Variants in WDPCP observed in about 807,000 individuals in gnomAD.
WDPCP encodes WD repeat containing planar cell polarity effector.
In WDPCP, 71 loss-of-function variants were observed where a neutral mutation model predicts 93.1. The ratio of observed to expected loss-of-function variants is 0.76; its 90% CI spans 0.63 to 0.93. The LOEUF is 0.93. Ranked by LOEUF, WDPCP falls within the 40% of genes least tolerant of loss-of-function variation. The pLI, the probability that WDPCP is intolerant of heterozygous loss-of-function variation, is 0.00. For synonymous variants in WDPCP, 315 were observed against 315.0 expected (o/e 1.00, Z 0.00); for missense variants, 844 against 887.4 (o/e 0.95, Z 0.62).
intron 3 of WDPCP, among the ~76,000 whole-genome samples, chr2:63,648,093 G>A (rs72806073): frequency 3.1e-3 from 471 of 152,290 alleles, no homozygotes; most frequent in Non-Finnish European, 5.6e-3. Flanking sequence ...AAGACAGCCC[G>A]TCTGCCTATA....
Position 63,127,612 on chromosome 2 carries a change from T to A in WDPCP, c.2191-5556A>T, listed in dbSNP as rs114192440. On this transcript the variant is annotated intron_variant, in intron 17 of 17. Coordinates refer to ENST00000272321, the MANE Select transcript of WDPCP (RefSeq NM_015910.7). The stretch of plus-strand genomic sequence containing the variant: ...GAGGTTATACACTTATACTTCAAGA[T>A]GCTCTATTAATGTAATTGTCAACAT... Among the ~76,000 whole-genome samples the A allele has an allele frequency of 5.3e-3, 794 of 149,222 alleles. 2 individuals are homozygous for A. Among genetic ancestry groups the A allele is most frequent in the Non-Finnish European group, 9.2e-3 (624 of 67,588 alleles).
At chr2:63,606,767 A>G (rs907806476) in intron 3 of WDPCP, 23 of 838,328 alleles carry the variant, frequency 2.7e-5, no homozygotes, top group Non-Finnish European at 3.4e-5. Context: ...CAGACTTTAA[A>G]ACGATATACC....
chr2:63,462,758 A>G (rs1413142995), intron 6 of WDPCP, among the ~76,000 whole-genome samples: 1 of 152,132 alleles, frequency 6.6e-6, no homozygotes, highest in Non-Finnish European at 1.5e-5. Flanking sequence ...AGTTGGATAA[A>G]GAAGAGGATA....
intron 1 of WDPCP, among the ~76,000 whole-genome samples, chr2:63,823,438 G>A (rs1191284160): frequency 6.6e-6 from 1 of 152,116 alleles, no homozygotes; most frequent in African/African-American, 2.4e-5. Context: ...GGGAGGCAGG[G>A]GTTGTAGTCA....
intron 13 of WDPCP, among the ~76,000 whole-genome samples, chr2:63,270,226 A>T (rs1224456250): frequency 6.6e-6 from 1 of 152,226 alleles, no homozygotes; most frequent in Non-Finnish European, 1.5e-5. Flanking sequence ...ATATATGGAA[A>T]GAATTGATAT....
chr2:63,285,699 A>C (rs1246778838), intron 13 of WDPCP, among the ~76,000 whole-genome samples: 3 of 152,212 alleles, frequency 2.0e-5, no homozygotes, highest in African/African-American at 7.2e-5. Flanking sequence ...ATGGCTTTAA[A>C]ATAGTTGATG....
rs1427622731 is a variant in WDPCP at position 63,575,518 on chromosome 2, A to ATATACAGTGTATGCGCT, written c.75+12678_75+12679insAGCGCATACACTGTATA. 7.7e-4 allele frequency among the ~76,000 whole-genome samples: 57 copies of ATATACAGTGTATGCGCT among 74,326 alleles called. 17 individuals carry two copies. The highest frequency in any genetic ancestry group is 2.8e-3 in the African/African-American group (47 of 16,876). 48.8% of individuals were successfully genotyped at this position (74,326 alleles called of 152,430 possible). A position where few individuals can be genotyped will look rare whatever the true frequency, so the allele number is the denominator to read the frequency against. ...TATACAGTATATACACTGTATATAT[A>ATATACAGTGTATGCGCT]GTATATACAGTATATACACTGTATA... On this transcript the variant is annotated intron_variant, in intron 1 of 17. Coordinates refer to ENST00000272321, the MANE Select transcript of WDPCP (RefSeq NM_015910.7).
chr2:63,313,886 A>ATGTGTGTGTATATATATATATATATATTT, intron 12 of WDPCP, among the ~76,000 whole-genome samples: 2 of 74,502 alleles, frequency 2.7e-5, no homozygotes, highest in African/African-American at 5.2e-5. Context: ...ATATATATAT[A>ATGTGTGTGTATATATATATATATATATTT]TTTTTTTTTT....
intron 10 of WDPCP, among the ~76,000 whole-genome samples, chr2:63,387,154 T>C (rs1371246693): frequency 6.6e-6 from 1 of 152,052 alleles, no homozygotes; most frequent in Non-Finnish European, 1.5e-5. Flanking sequence ...ATCATCCTGA[T>C]ACAAAATCTG....
chr2:63,803,065 C>A (rs748443282), intron 2 of WDPCP, among the ~76,000 whole-genome samples: 1 of 152,188 alleles, frequency 6.6e-6, no homozygotes, highest in East Asian at 1.9e-4. Flanking sequence ...TGGAGTAACA[C>A]AGACACCTCA....
chr2:63,524,534 A>G lies in WDPCP; in HGVS notation c.76-31594T>C, dbSNP rs1703177185. The stretch of plus-strand genomic sequence containing the variant: ...TCCCTATTGAATAAATGGTGTTGGG[A>G]TAACTGGCTAGCCATATGCAGAAGA... On this transcript the variant is annotated intron_variant, in intron 1 of 17. Transcript: ENST00000272321. 3.3e-5 allele frequency among the ~76,000 whole-genome samples: 5 copies of G among 152,366 alleles called. No homozygotes were observed. In the South Asian group the frequency reaches 1.0e-3, roughly 32 times the overall value.
At chr2:63,152,775 A>G in intron 17 of WDPCP, 139 bp downstream of exon 17, 1 of 730,434 alleles carries the variant, frequency 1.4e-6, no homozygotes, top group Non-Finnish European at 2.3e-6. Context: ...TGTAGTTAAT[A>G]TAGACCAGTT....
chr2:63,410,183 T>A (rs1373054001), intron 9 of WDPCP, among the ~76,000 whole-genome samples: 7 of 152,188 alleles, frequency 4.6e-5, no homozygotes, highest in African/African-American at 1.4e-4. Context: ...GCAGAAACCC[T>A]ACAAGCTAGA....
At chr2:63,434,260 A>G (rs1432398703) in intron 8 of WDPCP, among the ~76,000 whole-genome samples, 1 of 152,222 alleles carries the variant, frequency 6.6e-6, no homozygotes, top group Admixed American at 6.5e-5. Flanking sequence ...CATATGATTT[A>G]GGACCAGCTG....
intron 12 of WDPCP, among the ~76,000 whole-genome samples, chr2:63,325,896 C>A (rs562152876): frequency 1.5e-4 from 23 of 152,162 alleles, no homozygotes; most frequent in African/African-American, 4.8e-4. Flanking sequence ...AGAGAGAGCA[C>A]GGATAGCTCT....
rs113902299 is a variant in WDPCP at position 63,322,703 on chromosome 2, G to C, written c.1749-9392C>G. ...TAAGAACTGTAACACTCACCGCAAG[G>C]GTCCACAGCTTCATTCTTGAAGTCA... is the stretch of plus-strand genomic sequence containing the variant. On this transcript the variant is annotated intron_variant, in intron 12 of 17. Transcript: ENST00000272321. 4.9e-3 allele frequency among the ~76,000 whole-genome samples: 751 copies of C among 152,032 alleles called. 6 individuals carry two copies. Among genetic ancestry groups the C allele is most frequent in the African/African-American group, 0.017 (715 of 41,464 alleles).
At chr2:63,795,639 G>T (rs946908748) in intron 2 of WDPCP, among the ~76,000 whole-genome samples, 1 of 152,018 alleles carries the variant, frequency 6.6e-6, no homozygotes, top group Non-Finnish European at 1.5e-5. Flanking sequence ...AAAAACACTG[G>T]TGTGTACTGG....
At chr2:63,656,517 A>C (rs1710167936) in intron 2 of WDPCP, among the ~76,000 whole-genome samples, 1 of 152,378 alleles carries the variant, frequency 6.6e-6, no homozygotes, top group Middle Eastern at 3.4e-3. Context: ...CCAAGGAGAC[A>C]CACAAACATT....
intron 14 of WDPCP, among the ~76,000 whole-genome samples, chr2:63,189,518 C>T (rs1385413483): frequency 6.6e-6 from 1 of 152,168 alleles, no homozygotes; most frequent in Non-Finnish European, 1.5e-5. Context: ...TCCTAATCTG[C>T]CATCTTGCTA....
Sources: allele counts gnomAD v4.1 joint callset (sites outside exome capture counted in the v4.1 genomes callset), GRCh38; gene constraint gnomAD v4.1.1; transcripts MANE v1.5; gene names NCBI Gene and HGNC (gene_info 2026-07-23, HGNC 2026-07-21).